PDE7A: variants seen among roughly 807,000 people sequenced by gnomAD.
PDE7A encodes phosphodiesterase 7A.
In PDE7A, 39 loss-of-function variants were observed where a neutral mutation model predicts 64.3. The observed-to-expected ratio is 0.61, with a 90% CI of 0.47 to 0.79. PDE7A has a LOEUF of 0.79. PDE7A is among the 30% of genes least tolerant of loss of function. PDE7A has a pLI of 0.00. For synonymous variants in PDE7A, 203 were observed against 206.8 expected (o/e 0.98, Z 0.16); for missense variants, 470 against 582.8 (o/e 0.81, Z 1.99).
chr8:65,723,306 G>A, intron 12 of PDE7A: 1 of 277,512 alleles, frequency 3.6e-6, no homozygotes, highest in East Asian at 7.3e-5. Context: ...ATTTACATAA[G>A]AACAGAAACA....
At chr8:65,798,569 AT>A (rs1809917507) in intron 1 of PDE7A, among the ~76,000 whole-genome samples, 2 of 152,176 alleles carry the variant, frequency 1.3e-5, no homozygotes, top group African/African-American at 2.4e-5. Flanking sequence ...CAAGCTAAAG[AT>A]TTAAACAGAC....
chr8:65,833,012 G>T (rs1810870053), intron 1 of PDE7A, among the ~76,000 whole-genome samples: 1 of 152,210 alleles, frequency 6.6e-6, no homozygotes, highest in Admixed American at 6.5e-5. Flanking sequence ...TTGGACAAAT[G>T]ACAGCTTTAA....
intron 1 of PDE7A, among the ~76,000 whole-genome samples, chr8:65,789,919 A>G (rs931602233): frequency 6.6e-5 from 10 of 152,234 alleles, no homozygotes; most frequent in Admixed American, 3.9e-4. Flanking sequence ...GTGTACATTA[A>G]TCAAATTATG....
intron 3 of PDE7A, among the ~76,000 whole-genome samples, chr8:65,771,535 C>A (rs534420865): frequency 1.3e-5 from 2 of 152,024 alleles, no homozygotes; most frequent in South Asian, 4.2e-4. Context: ...AAGACCTGAC[C>A]CTGGGTAAAG....
chr8:65,755,573 T>C (rs891138293), intron 3 of PDE7A, among the ~76,000 whole-genome samples: 1 of 152,240 alleles, frequency 6.6e-6, no homozygotes, highest in Non-Finnish European at 1.5e-5. Context: ...GTTACATCTT[T>C]ATATGTGTGT....
intron 12 of PDE7A, chr8:65,723,311 G>A (rs1037522538): frequency 6.8e-6 from 2 of 292,298 alleles, no homozygotes; most frequent in Non-Finnish European, 1.2e-5. Flanking sequence ...CATAAGAACA[G>A]AAACAAGTTA....
At chr8:65,721,776 C>A (rs1354424077) in intron 12 of PDE7A, 1 of 149,160 alleles carries the variant, frequency 6.7e-6, no homozygotes, top group Non-Finnish European at 1.5e-5. Flanking sequence ...CACCTGTCTT[C>A]GATTCAATTC....
At chr8:65,810,369 G>GGA (rs1810230853) in intron 1 of PDE7A, among the ~76,000 whole-genome samples, 4 of 150,610 alleles carry the variant, frequency 2.7e-5, no homozygotes, top group South Asian at 4.2e-4. Context: ...ATGGGGGAGG[G>GGA]ATAGCATTAG....
Position 65,759,617 on chromosome 8 carries a change from A to AT in PDE7A, c.284-11815dup, listed in dbSNP as rs1220988860. On this transcript the variant is annotated intron_variant, in intron 3 of 12. Coordinates refer to ENST00000401827, the MANE Select transcript of PDE7A (RefSeq NM_001242318.3). Reference sequence around the variant, plus strand: ...AATGCTGAAATAGTTGATTCTGGTCATTTTTTCTACTTGGGTAGTTGTTTC... The same window carrying AT: ...AATGCTGAAATAGTTGATTCTGGTCATTTTTTTCTACTTGGGTAGTTGTTTC... 3.3e-5 allele frequency among the ~76,000 whole-genome samples: 5 copies of AT among 152,196 alleles called. No homozygotes were observed. In the East Asian group the frequency reaches 7.7e-4, roughly 23 times the overall value.
chr8:65,817,946 G>T (rs971421808), intron 1 of PDE7A, among the ~76,000 whole-genome samples: 1 of 151,984 alleles, frequency 6.6e-6, no homozygotes, highest in African/African-American at 2.4e-5. Flanking sequence ...TAGAGATGGG[G>T]TTTCACCGTG....
chr8:65,766,525 T>C (rs1808792993), intron 3 of PDE7A, among the ~76,000 whole-genome samples: 1 of 152,168 alleles, frequency 6.6e-6, no homozygotes, highest in Non-Finnish European at 1.5e-5. Context: ...AAATGATGCT[T>C]AGGAGCAAGG....
intron 6 of PDE7A, among the ~76,000 whole-genome samples, chr8:65,738,715 G>T (rs774322817): frequency 3.9e-5 from 6 of 152,324 alleles, no homozygotes; most frequent in Non-Finnish European, 4.4e-5. Context: ...TTACAGGTGT[G>T]AGCCACCACA....
intron 1 of PDE7A, among the ~76,000 whole-genome samples, chr8:65,840,315 C>T (rs1811049706): frequency 6.6e-6 from 1 of 152,042 alleles, no homozygotes; most frequent in Non-Finnish European, 1.5e-5. Context: ...TCTACAAACA[C>T]TTTAGGCAAA....
rs73693412 is a variant in PDE7A at position 65,779,242 on chromosome 8, C to T, written c.283+478G>A. Among the ~76,000 whole-genome samples, 1,446 of 152,028 alleles carry T rather than the reference C, an allele frequency of 9.5e-3. 25 individuals are homozygous for T. The highest frequency in any genetic ancestry group is 0.033 in the African/African-American group (1,373 of 41,464). ...AGGTGTTTAGAAGTTCTGTTTTTTC[C>T]CCTTTCCCTCCACTATAGGCCAAAT... On this transcript the variant is annotated intron_variant, in intron 3 of 12. Transcript: ENST00000401827.
chr8:65,805,925 T>A (rs1810098273), intron 1 of PDE7A, among the ~76,000 whole-genome samples: 1 of 152,206 alleles, frequency 6.6e-6, no homozygotes, highest in Admixed American at 6.5e-5. Context: ...CATCACTGTT[T>A]GAGCAAAAAT....
intron 1 of PDE7A, among the ~76,000 whole-genome samples, chr8:65,816,557 G>A (rs907859368): frequency 1.3e-5 from 2 of 152,086 alleles, no homozygotes; most frequent in African/African-American, 4.8e-5. Context: ...TACAAATTCT[G>A]TCTTTCTGTA....
chr8:65,771,205 A>C (rs1287636968), intron 3 of PDE7A: 1 of 167,066 alleles, frequency 6.0e-6, no homozygotes, highest in Non-Finnish European at 1.3e-5. Context: ...ATGTATCTTC[A>C]TAATATAAAC....
chr8:65,814,277 C>T (rs546905019), intron 1 of PDE7A, among the ~76,000 whole-genome samples: 2 of 151,610 alleles, frequency 1.3e-5, no homozygotes, highest in East Asian at 1.9e-4. Context: ...TTTGGGAGGC[C>T]GAGGCGGGCG....
At chr8:65,782,889 T>C in intron 1 of PDE7A, 46 bp from the exon 2 acceptor site, 2 of 1,111,604 alleles carry the variant, frequency 1.8e-6, no homozygotes, top group Non-Finnish European at 2.7e-6. Context: ...TTAAATATGA[T>C]ACAAAATTCA....
Sources: gnomAD v4.1 joint callset for allele counts (sites outside exome capture counted in the v4.1 genomes callset) on GRCh38, gnomAD v4.1.1 for gene constraint, MANE v1.5 for transcripts, NCBI Gene and HGNC (gene_info 2026-07-23, HGNC 2026-07-21) for gene names.